C1QTNF3: variants seen among roughly 807,000 people sequenced by gnomAD.
C1QTNF3 encodes the protein complement C1q tumor necrosis factor-related protein 3.
A neutral mutation model predicts 32.6 loss-of-function variants in C1QTNF3; 26 were observed. The observed-to-expected ratio is 0.80, with a 90% confidence interval of 0.58 to 1.11. The LOEUF (loss-of-function observed/expected upper bound fraction) is 1.11, where lower values mean the gene tolerates loss of function less well. C1QTNF3 is among the 50% of genes least tolerant of loss of function. The pLI is 0.00. For synonymous variants in C1QTNF3, 155 were observed against 146.0 expected (o/e 1.06, Z -0.44); for missense variants, 362 against 398.2 (o/e 0.91, Z 0.77).
At chr5:34,141,149 C>A in the C1QTNF3 span, among the ~76,000 whole-genome samples, 1 of 151,608 alleles carries the variant, frequency 6.6e-6, no homozygotes, top group Admixed American at 6.6e-5. Flanking sequence ...AAATTGAGTC[C>A]CACTCTGTCG....
chr5:34,122,638 T>C, the C1QTNF3 span, among the ~76,000 whole-genome samples: 1 of 152,210 alleles, frequency 6.6e-6, no homozygotes, highest in African/African-American at 2.4e-5. Context: ...CTTCAAAATC[T>C]TGAAGCAGAT....
chr5:34,050,227 A>G, the C1QTNF3 span, among the ~76,000 whole-genome samples: 186 of 151,944 alleles, frequency 1.2e-3, no homozygotes, highest in African/African-American at 4.3e-3. Flanking sequence ...GGTTCCATAG[A>G]CCTCTCCACC....
chr5:34,219,474 T>C, the C1QTNF3 span, among the ~76,000 whole-genome samples: 2 of 151,850 alleles, frequency 1.3e-5, no homozygotes, highest in African/African-American at 4.8e-5. Flanking sequence ...AGGGTAAGCA[T>C]TTTCCTTATC....
At chr5:34,132,948 A>G in the C1QTNF3 span, among the ~76,000 whole-genome samples, 56 of 152,336 alleles carry the variant, frequency 3.7e-4, no homozygotes, top group East Asian at 0.01. Flanking sequence ...AACATTTATT[A>G]TCACATAATT....
the C1QTNF3 span, among the ~76,000 whole-genome samples, chr5:34,244,098 G>A: frequency 1.2e-4 from 19 of 152,166 alleles, no homozygotes; most frequent in East Asian, 1.5e-3. Flanking sequence ...AGTCTCTTAT[G>A]TCATTTTCAT....
chr5:34,209,191 C>T, the C1QTNF3 span, among the ~76,000 whole-genome samples: 43 of 152,112 alleles, frequency 2.8e-4, 1 homozygote, highest in South Asian at 7.9e-3. Context: ...AGCATTTTTC[C>T]GAAAATGAGA....
At chr5:34,197,560 G>C in the C1QTNF3 span, among the ~76,000 whole-genome samples, 1 of 151,900 alleles carries the variant, frequency 6.6e-6, no homozygotes, top group Non-Finnish European at 1.5e-5. Context: ...AAACTTAATG[G>C]CTTAAAATAA....
At chr5:34,128,343 G>A in the C1QTNF3 span, among the ~76,000 whole-genome samples, 1 of 152,238 alleles carries the variant, frequency 6.6e-6, no homozygotes, top group Non-Finnish European at 1.5e-5. Flanking sequence ...TATGAGGGCA[G>A]TGCACAGGAG....
the C1QTNF3 span, among the ~76,000 whole-genome samples, chr5:34,235,536 ATTTC>A: frequency 7.6e-6 from 1 of 131,476 alleles, no homozygotes; most frequent in Admixed American, 7.7e-5. Context: ...AAGACAGGAT[ATTTC>A]TTTTTCTTTT....
the C1QTNF3 span, among the ~76,000 whole-genome samples, chr5:34,085,511 CTATA>C: frequency 1.3e-5 from 2 of 151,376 alleles, no homozygotes; most frequent in Non-Finnish European, 2.9e-5. Context: ...TTCCATTGGT[CTATA>C]TATCTGTTTT....
At chr5:34,141,998 T>A in the C1QTNF3 span, among the ~76,000 whole-genome samples, 8 of 151,870 alleles carry the variant, frequency 5.3e-5, no homozygotes. Context: ...GAGCCTACAC[T>A]CAGAATAGGT....
At chr5:34,125,947 T>A in the C1QTNF3 span, among the ~76,000 whole-genome samples, 2 of 152,212 alleles carry the variant, frequency 1.3e-5, no homozygotes, top group African/African-American at 4.8e-5. Flanking sequence ...AGGGGCTTGC[T>A]TCAGGTGTAT....
At chr5:34,229,468 G>C in the C1QTNF3 span, among the ~76,000 whole-genome samples, 1 of 152,246 alleles carries the variant, frequency 6.6e-6, no homozygotes, top group African/African-American at 2.4e-5. Flanking sequence ...GTGGTAGTCA[G>C]AATAATGGCT....
chr5:34,081,782 G>A, the C1QTNF3 span, among the ~76,000 whole-genome samples: 1 of 151,450 alleles, frequency 6.6e-6, no homozygotes, highest in Non-Finnish European at 1.5e-5. Context: ...TTAGTTCCCA[G>A]GATGCTAGCT....
At chr5:34,027,696 C>T (rs1754498420) in intron 4 of C1QTNF3, among the ~76,000 whole-genome samples, 1 of 137,906 alleles carries the variant, frequency 7.3e-6, no homozygotes, top group South Asian at 2.2e-4. Context: ...GATAGAGACC[C>T]TGTCTAGAAA....
chr5:34,072,386 A>T, the C1QTNF3 span, among the ~76,000 whole-genome samples: 1 of 150,952 alleles, frequency 6.6e-6, no homozygotes, highest in Non-Finnish European at 1.5e-5. Flanking sequence ...AGAAAGAAAG[A>T]AAGAAAGAAA....
the C1QTNF3 span, among the ~76,000 whole-genome samples, chr5:34,159,959 G>C: frequency 3.3e-5 from 5 of 151,806 alleles, no homozygotes; most frequent in Non-Finnish European, 7.4e-5. Flanking sequence ...CTAAACAAAA[G>C]ATCATTAACG....
chr5:34,041,496 G>C (rs905258193), intron 1 of C1QTNF3, among the ~76,000 whole-genome samples: 3 of 152,100 alleles, frequency 2.0e-5, no homozygotes, highest in African/African-American at 7.2e-5. Flanking sequence ...GTGTGAAATG[G>C]AAAGTCCAGA....
At chr5:34,103,613 T>C in the C1QTNF3 span, among the ~76,000 whole-genome samples, 1 of 124,150 alleles carries the variant, frequency 8.1e-6, no homozygotes, top group Admixed American at 8.1e-5. Context: ...AGGTCAGGTG[T>C]TTGTGACCAG....
Sources: gnomAD v4.1 joint callset for allele counts (sites outside exome capture counted in the v4.1 genomes callset) on GRCh38, gnomAD v4.1.1 for gene constraint, MANE v1.5 for transcripts, NCBI Gene and HGNC (gene_info 2026-07-23, HGNC 2026-07-21) for gene names.